Variants in DZANK1 observed in about 807,000 individuals in gnomAD.
DZANK1 encodes double zinc ribbon and ankyrin repeat domains 1.
A neutral mutation model predicts 94.5 loss-of-function variants in DZANK1; 91 were observed. The ratio of observed to expected loss-of-function variants is 0.96; its 90% CI spans 0.81 to 1.15. The LOEUF is 1.15. Ranked by LOEUF, DZANK1 falls within the 50% of genes most tolerant of loss-of-function variation. The pLI is 0.00. For missense variants in DZANK1, 903 were observed against 916.4 expected (o/e 0.99, Z 0.19); for synonymous variants, 312 against 325.3 (o/e 0.96, Z 0.44).
At chr20:18,398,059 T>G (rs544602201) in intron 14 of DZANK1, among the ~76,000 whole-genome samples, 5 of 152,302 alleles carry the variant, frequency 3.3e-5, no homozygotes, top group African/African-American at 1.2e-4. Context: ...TGGTTATTTT[T>G]TTTAAAGTGA....
intron 8 of DZANK1, 102 bp from the exon 9 acceptor site, chr20:18,433,867 T>G: frequency 1.0e-6 from 1 of 964,640 alleles, no homozygotes; most frequent in Non-Finnish European, 1.6e-6. Context: ...ACCCTGAACA[T>G]TCCCGATCTC....
At chr20:18,417,586 T>C (rs1391571458) in intron 10 of DZANK1, among the ~76,000 whole-genome samples, 1 of 152,198 alleles carries the variant, frequency 6.6e-6, no homozygotes, top group Non-Finnish European at 1.5e-5. Flanking sequence ...ACCCTAAAAT[T>C]ACATCAGCTT....
At chr20:18,402,811 G>C (rs2056752842) in intron 13 of DZANK1, among the ~76,000 whole-genome samples, 1 of 152,196 alleles carries the variant, frequency 6.6e-6, no homozygotes, top group African/African-American at 2.4e-5. Flanking sequence ...CTGCAGACCT[G>C]TAAGAATTTG....
At position 18,400,000 on chromosome 20, in the gene DZANK1, C is replaced by T. The variant is rs115576724; in HGVS notation, c.1433-1374G>A. On this transcript the variant is annotated intron_variant, in intron 13 of 20. Coordinates refer to ENST00000262547, the Ensembl canonical transcript of DZANK1. ...ATAATTTGGAGTTCAGACAAGCCTG[C>T]GTTTAAATCCTAAATCTACCATTTA... Among the ~76,000 whole-genome samples, 525 of 152,308 alleles carry T rather than the reference C, an allele frequency of 3.4e-3. 3 individuals carry two copies. Among genetic ancestry groups the T allele is most frequent in the African/African-American group, 0.012 (485 of 41,562 alleles).
At chr20:18,456,627 TTTGTC>T (rs2148788699) in intron 3 of DZANK1, among the ~76,000 whole-genome samples, 1 of 152,170 alleles carries the variant, frequency 6.6e-6, no homozygotes, top group East Asian at 2.0e-4. Flanking sequence ...TCTCTATAGT[TTTGTC>T]TTTTCTAGAA....
chr20:18,455,320 A>G (rs750562872), exon 4 of DZANK1: 2 of 1,608,808 alleles, frequency 1.2e-6, no homozygotes, highest in African/African-American at 1.3e-5. Flanking sequence ...TTCATAGTCT[A>G]CGTGAAACAC....
intron 1 of DZANK1, 62 bp from the exon 2 acceptor site, chr20:18,465,439 T>A: frequency 1.9e-6 from 1 of 529,252 alleles, no homozygotes; most frequent in Non-Finnish European, 3.0e-6. Flanking sequence ...GCACTTAATT[T>A]AAATGCAGCA....
intron 4 of DZANK1, 32 bp from the exon 5 acceptor site, chr20:18,453,859 T>C (rs1244402197): frequency 7.9e-7 from 1 of 1,272,160 alleles, no homozygotes; most frequent in South Asian, 1.2e-5. Context: ...ATCAATCACT[T>C]GGTTATTCCC....
In DZANK1 at chr20:18,393,153, G is replaced by A. The variant is rs569220671; in HGVS notation, c.1809+558C>T. 3.9e-5 allele frequency among the ~76,000 whole-genome samples: 6 copies of A among 152,306 alleles called. No individual in the cohort carries two copies. The East Asian group carries it at 7.7e-4, about 20-fold the overall frequency. Reference sequence around the variant, plus strand: ...CATGACAGACACAGGGGAGGGTGTAGAGGGAAAGGAAAAAAGCTTCATCCC... The same window carrying A: ...CATGACAGACACAGGGGAGGGTGTAAAGGGAAAGGAAAAAAGCTTCATCCC... On this transcript the variant is annotated intron_variant, in intron 17 of 20. Transcript: ENST00000262547.
In DZANK1 at chr20:18,457,312, C is replaced by A. The variant is rs191743800; in HGVS notation, c.264-1951G>T. 2.5e-3 allele frequency among the ~76,000 whole-genome samples: 384 copies of A among 152,028 alleles called. 6 individuals are homozygous for A. The highest frequency in any genetic ancestry group is 0.021 in the Admixed American group (326 of 15,266). Reference sequence around the variant, plus strand: ...CAACATAGCAAAACCCCATCTCTACCAAAAGTACAAAAAATTAGCTGGGTT... The same window carrying A: ...CAACATAGCAAAACCCCATCTCTACAAAAAGTACAAAAAATTAGCTGGGTT... On this transcript the variant is annotated intron_variant, in intron 3 of 20. Transcript: ENST00000262547.
intron 12 of DZANK1, 157 bp from the exon 13 acceptor site, chr20:18,413,010 G>T: frequency 1.4e-6 from 1 of 699,214 alleles, no homozygotes; most frequent in Non-Finnish European, 2.3e-6. Flanking sequence ...CATCTTCCTT[G>T]CTCCTGTCTT....
At chr20:18,451,151 G>A (rs1017884990) in intron 6 of DZANK1, among the ~76,000 whole-genome samples, 2 of 152,096 alleles carry the variant, frequency 1.3e-5, no homozygotes, top group African/African-American at 4.8e-5. Context: ...TCACCATATT[G>A]GCCAGGCTGG....
intron 7 of DZANK1, 76 bp from the exon 8 acceptor site, chr20:18,443,540 G>T: frequency 1.2e-6 from 1 of 835,344 alleles, no homozygotes; most frequent in South Asian, 2.1e-5. Flanking sequence ...ATCTAAAAGC[G>T]GTCAAACAGT....
intron 10 of DZANK1, among the ~76,000 whole-genome samples, chr20:18,422,822 T>C (rs1176214672): frequency 8.4e-6 from 1 of 118,586 alleles, no homozygotes; most frequent in Non-Finnish European, 1.9e-5. Flanking sequence ...TTTCTCAAAA[T>C]TGATTTGGCT....
intron 13 of DZANK1, among the ~76,000 whole-genome samples, chr20:18,398,870 C>T (rs756988640): frequency 1.3e-5 from 2 of 152,144 alleles, no homozygotes; most frequent in East Asian, 3.9e-4. Flanking sequence ...TGGTGGCTCA[C>T]GCCTGTAATC....
chr20:18,397,506 C>T (rs1293431904), intron 14 of DZANK1, among the ~76,000 whole-genome samples: 2 of 152,160 alleles, frequency 1.3e-5, no homozygotes, highest in African/African-American at 4.8e-5. Flanking sequence ...GGGCAGGTCA[C>T]CAAACCTCTC....
chr20:18,434,367 A>C (rs1193392391), intron 8 of DZANK1, among the ~76,000 whole-genome samples: 1 of 151,932 alleles, frequency 6.6e-6, no homozygotes, highest in Non-Finnish European at 1.5e-5. Context: ...CAACATAGTG[A>C]AACCCCAGCT....
At chr20:18,413,091 T>G in intron 12 of DZANK1, 1 of 564,612 alleles carries the variant, frequency 1.8e-6, no homozygotes, top group Non-Finnish European at 3.1e-6. Context: ...AAGGGGTGTT[T>G]GCCGGCCTGC....
intron 17 of DZANK1, among the ~76,000 whole-genome samples, chr20:18,392,376 A>G (rs1600720439): frequency 6.6e-6 from 1 of 152,244 alleles, no homozygotes; most frequent in Admixed American, 6.5e-5. Flanking sequence ...GAAAAAAAAG[A>G]TAAAGAACAG....
Sources: allele counts gnomAD v4.1 joint callset (sites outside exome capture counted in the v4.1 genomes callset), GRCh38; gene constraint gnomAD v4.1.1; transcripts MANE v1.5; gene names NCBI Gene and HGNC (gene_info 2026-07-23, HGNC 2026-07-21).